TTC16: variants seen among roughly 807,000 people sequenced by gnomAD.
TTC16 encodes the protein tetratricopeptide repeat domain 16, also known as tetratricopeptide repeat protein 16.
A neutral mutation model predicts 80.4 loss-of-function variants in TTC16; 66 were observed. The observed-to-expected ratio is 0.82, with a 90% CI of 0.67 to 1.01. The LOEUF is 1.01. Ranked by LOEUF, TTC16 falls within the 50% of genes least tolerant of loss-of-function variation. The pLI is 0.00. For missense variants in TTC16, 1,070 were observed against 1,103.2 expected (o/e 0.97, Z 0.43); for synonymous variants, 438 against 451.3 (o/e 0.97, Z 0.37).
chr9:127,731,314 C>T lies in TTC16; in HGVS notation c.2531C>T (p.Thr844Ile). ...AQGKSQGMSS[T>I]SSKAESTWGP... The stretch of plus-strand genomic sequence containing the variant: ...GGCAAGAGCCAGGGCATGAGCTCAA[C>T]TTCCAGCAAGGCCGAGTCCACCTGG... Residue 844 changes from threonine to isoleucine, a missense_variant, in exon 14 of 14, where the codon ACT (threonine) becomes ATT (isoleucine). Coordinates refer to ENST00000373289, the MANE Select transcript of TTC16 (RefSeq NM_144965.3). The T allele has an allele frequency of 6.2e-7, 1 of 1,613,158 alleles. No homozygotes were observed. Among genetic ancestry groups the T allele is most frequent in the South Asian group, 1.1e-5 (1 of 91,086 alleles).
At position 127,717,422 on chromosome 9, in the gene TTC16, C is replaced by G; in HGVS notation, c.280C>G (p.Leu94Val). 1 of 1,611,936 alleles carries G rather than the reference C, an allele frequency of 6.2e-7. No individual in the cohort carries two copies. The highest frequency in any genetic ancestry group is 8.5e-7 in the Non-Finnish European group (1 of 1,178,794). The change falls in exon 3 of 14, where the codon CTG becomes GTG. Residue 94 changes from leucine (L) to valine (V), a missense_variant and splice_region_variant. Transcript: ENST00000373289. Reference protein sequence around the residue: ...FSRALHLDPQLVDFYALRAEA... With the variant: ...FSRALHLDPQVVDFYALRAEA... ...CCGCGCACTCCACCTGGACCCACAG[C>G]TGGTGAGAGGCAGACCTGGGTGGGC...
At chr9:127,721,064 G>A (rs914600599) in intron 6 of TTC16, among the ~76,000 whole-genome samples, 2 of 150,944 alleles carry the variant, frequency 1.3e-5, no homozygotes, top group South Asian at 2.1e-4. Context: ...GGGACAGACA[G>A]TACAGGGAAC....
In TTC16 at chr9:127,723,340, C is replaced by T; in HGVS notation, c.872+7C>T. 6.2e-7 allele frequency: 1 copy of T among 1,610,130 alleles called. No individual in the cohort carries two copies. The highest frequency in any genetic ancestry group is 2.2e-5 in the East Asian group (1 of 44,780). ...CCAGTCTCTTCCTCTTCCGGTACTGCATGGGAAGGTGCTGGCCTTGGGTCC... is the reference window on the plus strand; with the variant it reads ...CCAGTCTCTTCCTCTTCCGGTACTGTATGGGAAGGTGCTGGCCTTGGGTCC... On this transcript the variant is annotated splice_region_variant and intron_variant, in intron 7 of 13. Coordinates refer to ENST00000373289, the MANE Select transcript of TTC16 (RefSeq NM_144965.3).
chr9:127,729,108 C>A lies in TTC16; in HGVS notation c.1765-473C>A, dbSNP rs528507062. The A allele has an allele frequency of 1.2e-3, 192 of 158,094 alleles. 3 individuals are homozygous for A. Among genetic ancestry groups the A allele is most frequent in the Non-Finnish European group, 7.8e-4 (56 of 71,850 alleles). 9.8% of individuals were successfully genotyped at this position (158,094 alleles called of 1,614,324 possible). A position where few individuals can be genotyped will look rare whatever the true frequency, so the allele number is the denominator to read the frequency against. ...GCCTCTCTGCTTCTTAGCCGAGTGG[C>A]CCTGGACAGGTTGCTTAGGGGCTCT... On this transcript the variant is annotated intron_variant, in intron 12 of 13. Coordinates refer to ENST00000373289, the MANE Select transcript of TTC16 (RefSeq NM_144965.3).
rs771467502 is a variant in TTC16 at position 127,729,567 on chromosome 9, G to C, written c.1765-14G>C. On this transcript the variant is annotated splice_polypyrimidine_tract_variant and intron_variant, in intron 12 of 13. Coordinates refer to ENST00000373289, the MANE Select transcript of TTC16 (RefSeq NM_144965.3). The stretch of plus-strand genomic sequence containing the variant: ...TCCTACCATCTGAACTACAAAGCCT[G>C]TTTCTTGCCATAGGAGAAAAAATCA... The C allele has an allele frequency of 6.2e-7, 1 of 1,613,066 alleles. No individual in the cohort carries two copies. Among genetic ancestry groups the C allele is most frequent in the Non-Finnish European group, 8.5e-7 (1 of 1,179,396 alleles).
At position 127,724,782 on chromosome 9, in the gene TTC16, G is replaced by A. The variant is rs867217315; in HGVS notation, c.1144G>A (p.Ala382Thr). ...TTGCTTCTTCCAGCTGGGCAACCTG[G>A]CCTTTGCCGAGGCGGACTACCAGCA... ...GDCFFQLGNL[A>T]FAEADYQQAL... is the part of the protein sequence containing the mutation. Residue 382 changes from alanine (A) to threonine (T), a missense_variant, in exon 9 of 14, where the codon GCC (alanine) becomes ACC (threonine). Transcript: ENST00000373289. 2 of 1,610,682 alleles carry A rather than the reference G, an allele frequency of 1.2e-6. No homozygotes were observed. Among genetic ancestry groups the A allele is most frequent in the Middle Eastern group, 1.7e-4 (1 of 6,058 alleles).
In TTC16 at chr9:127,729,653, G is replaced by A. The variant is rs146968582; in HGVS notation, c.1837G>A (p.Ala613Thr). ...CAGCTACCTTGACCAGACCTCTTCA[G>A]CCTCCAGCATGAGCTGTAAGTCCCT... Reference protein sequence around the residue: ...SDSYLDQTSSASSMSFRTTGT... With the variant: ...SDSYLDQTSSTSSMSFRTTGT... Residue 613 changes from alanine (A) to threonine (T), a missense_variant, in exon 13 of 14, where the codon GCC becomes ACC. Physicochemically the swap from Ala to Thr is moderately conservative, Grantham distance 58. Coordinates refer to ENST00000373289, the MANE Select transcript of TTC16 (RefSeq NM_144965.3). 7 of 1,613,460 alleles carry A rather than the reference G, an allele frequency of 4.3e-6. No homozygotes were observed. In the African/African-American group the frequency reaches 9.3e-5, roughly 22 times the overall value.
Position 127,731,531 on chromosome 9 carries a change from C to A in TTC16, c.*126C>A. ...AAGTCTTAGCAACAGTCCTCTGGTCCCACAGCTGAGTTTATTATACTTGTT... is the reference window on the plus strand; with the variant it reads ...AAGTCTTAGCAACAGTCCTCTGGTCACACAGCTGAGTTTATTATACTTGTT... On this transcript the variant is annotated 3_prime_UTR_variant, in exon 14 of 14. Coordinates refer to ENST00000373289, the MANE Select transcript of TTC16 (RefSeq NM_144965.3). 1 of 1,463,956 alleles carries A rather than the reference C, an allele frequency of 6.8e-7. No individual in the cohort carries two copies. Among genetic ancestry groups the A allele is most frequent in the Non-Finnish European group, 9.0e-7 (1 of 1,110,336 alleles). 90.7% of individuals were successfully genotyped at this position (1,463,956 alleles called of 1,614,324 possible). A position where few individuals can be genotyped will look rare whatever the true frequency, so the allele number is the denominator to read the frequency against.
In TTC16 at chr9:127,719,194, G is replaced by A. The variant is rs1843269620; in HGVS notation, c.427-884G>A. On this transcript the variant is annotated intron_variant, in intron 4 of 13. Coordinates refer to ENST00000373289, the MANE Select transcript of TTC16 (RefSeq NM_144965.3). Reference sequence around the variant, plus strand: ...CCACTGTACTCCAGCCTGGGTGACAGAACAAGATGCTGTCTCAAAAAAAAA... The same window carrying A: ...CCACTGTACTCCAGCCTGGGTGACAAAACAAGATGCTGTCTCAAAAAAAAA... Among the ~76,000 whole-genome samples, 3 of 149,258 alleles carry A rather than the reference G, an allele frequency of 2.0e-5. No individual in the cohort carries two copies. In the South Asian group the frequency reaches 6.3e-4, roughly 31 times the overall value.
Position 127,724,132 on chromosome 9 carries a change from C to T in TTC16, c.885C>T (p.Tyr295=), listed in dbSNP as rs1284760477. ...PSLFLFRGTM[Y]RRLQEFDGAV... is the part of the protein sequence containing the mutation. ...CCCCCCCCGACAGGGGCACCATGTA[C>T]CGACGGCTCCAGGAGTTCGATGGGG... The change falls in exon 8 of 14, where the codon TAC becomes TAT. Residue 295 remains tyrosine (Y), a synonymous_variant. Coordinates refer to ENST00000373289, the MANE Select transcript of TTC16 (RefSeq NM_144965.3). 6.2e-7 allele frequency: 1 copy of T among 1,611,028 alleles called. No individual in the cohort carries two copies.
chr9:127,721,430 G>A (rs895081759), intron 6 of TTC16, among the ~76,000 whole-genome samples: 2 of 150,664 alleles, frequency 1.3e-5, no homozygotes, highest in Non-Finnish European at 3.0e-5. Context: ...GAAGGATCCA[G>A]AAGGGTGCCT....
intron 9 of TTC16, 132 bp downstream of exon 9, chr9:127,725,029 C>G: frequency 2.6e-6 from 3 of 1,132,470 alleles, no homozygotes; most frequent in Non-Finnish European, 3.6e-6. Flanking sequence ...CCCTGTAATC[C>G]CCACGCAGGT....
In TTC16 at chr9:127,731,011, G is replaced by A. The variant is rs1844373554; in HGVS notation, c.2228G>A (p.Arg743Lys). The A allele has an allele frequency of 4.3e-6, 7 of 1,613,108 alleles. No individual in the cohort carries two copies. In the South Asian group the frequency reaches 7.7e-5, roughly 18 times the overall value. ...AAGACTGAGGCCACTCAGGGCCAGA[G>A]GCAGAGCTCCAGCGAGATTGAGGCC... is the stretch of plus-strand genomic sequence containing the variant. ...SSKTEATQGQRQSSSEIEATQ... is the reference protein window; with the variant it reads ...SSKTEATQGQKQSSSEIEATQ... The change falls in exon 14 of 14, where the codon AGG becomes AAG. Residue 743 changes from arginine (R) to lysine (K), a missense_variant. Coordinates refer to ENST00000373289, the MANE Select transcript of TTC16 (RefSeq NM_144965.3).
At chr9:127,726,438 G>A (rs368945977) in intron 10 of TTC16, 34 bp downstream of exon 10, 27 of 1,538,874 alleles carry the variant, frequency 1.8e-5, no homozygotes, top group African/African-American at 2.8e-5. Context: ...TGTAGGCTCC[G>A]GAGTCATGCC....
rs1843558104 is a variant in TTC16, at chr9:127,722,088, C to A, written c.658-1031C>A. 6.6e-6 allele frequency among the ~76,000 whole-genome samples: 1 copy of A among 152,200 alleles called. No individual in the cohort carries two copies. The highest frequency in any genetic ancestry group is 1.5e-5 in the Non-Finnish European group (1 of 68,038). ...TCGCAGCAACCCTTTGGGATAGAGA[C>A]ACACTGTCCTCGTTTCACAGAGGAA... On this transcript the variant is annotated intron_variant, in intron 6 of 13. Coordinates refer to ENST00000373289, the MANE Select transcript of TTC16 (RefSeq NM_144965.3). The surrounding 1 kb of genome is among the most constrained non-coding windows in gnomAD (Gnocchi z 4.2).
chr9:127,726,429 G>A (rs370814005), intron 10 of TTC16, 25 bp downstream of exon 10: 17 of 1,563,780 alleles, frequency 1.1e-5, no homozygotes, highest in East Asian at 4.6e-5. Context: ...CGTCAGGAGT[G>A]TAGGCTCCGG....
Position 127,719,589 on chromosome 9 carries a change from T to C in TTC16, c.427-489T>C, listed in dbSNP as rs373827773. On this transcript the variant is annotated intron_variant, in intron 4 of 13. Coordinates refer to ENST00000373289, the MANE Select transcript of TTC16 (RefSeq NM_144965.3). ...CTCACTGTAACCTCTGCCTCCCAGG[T>C]CCAAGCCATTCTCTTGCCTCAGCCT... 1.2e-4 allele frequency among the ~76,000 whole-genome samples: 18 copies of C among 152,256 alleles called. No homozygotes were observed. In the East Asian group the frequency reaches 1.9e-3, roughly 16 times the overall value.
rs751075295 is a variant in TTC16 at position 127,730,935 on chromosome 9, C to T, written c.2152C>T (p.Arg718Trp). The change falls in exon 14 of 14, where the codon CGG becomes TGG. Residue 718 changes from arginine (R) to tryptophan (W), a missense_variant. By Grantham distance (101) the Arg-to-Trp change is moderately radical. Coordinates refer to ENST00000373289, the MANE Select transcript of TTC16 (RefSeq NM_144965.3). ...SKTKATQSQR[R>W]NSSKTRATQG... ...GACCAAGGCCACCCAAAGCCAGAGG[C>T]GGAACTCCAGCAAGACCAGGGCCAC... 28 of 1,613,254 alleles carry T rather than the reference C, an allele frequency of 1.7e-5. No homozygotes were observed. The Admixed American group carries it at 2.3e-4, about 13-fold the overall frequency.
At position 127,717,644 on chromosome 9, in the gene TTC16, T is replaced by G; in HGVS notation, c.298T>G (p.Leu100Val). 3 of 1,613,982 alleles carry G rather than the reference T, an allele frequency of 1.9e-6. No individual in the cohort carries two copies. Among genetic ancestry groups the G allele is most frequent in the Non-Finnish European group, 1.7e-6 (2 of 1,179,968 alleles). Residue 100 changes from leucine (L) to valine (V), a missense_variant, in exon 4 of 14, where the codon TTA becomes GTA. Coordinates refer to ENST00000373289, the MANE Select transcript of TTC16 (RefSeq NM_144965.3). ...TCACCCTCAGGTGGACTTCTATGCC[T>G]TACGGGCTGAGGCCTACCTCCAGCT... is the stretch of plus-strand genomic sequence containing the variant. ...LDPQLVDFYA[L>V]RAEAYLQLCD... is the part of the protein sequence containing the mutation.
Sources: gnomAD v4.1 joint callset for allele counts (sites outside exome capture counted in the v4.1 genomes callset) on GRCh38, gnomAD v4.1.1 for gene constraint, Gnocchi (gnomAD v3.1) non-coding constraint, MANE v1.5 for transcripts, NCBI Gene and HGNC (gene_info 2026-07-23, HGNC 2026-07-21) for gene names.